Variants in MARCHF11 observed in about 807,000 individuals in gnomAD.
MARCHF11 encodes membrane associated ring-CH-type finger 11.
MARCHF11 carries 29 observed loss-of-function variants against 37.3 expected under a neutral mutation model. That is an observed-to-expected ratio of 0.78 (90% CI 0.58 to 1.06). MARCHF11 has a LOEUF of 1.06. Among genes scored for constraint, MARCHF11 ranks in the 50% least tolerant of loss-of-function variants. The pLI is 0.00. For missense variants in MARCHF11, 482 were observed against 533.4 expected (o/e 0.90, Z 0.95); for synonymous variants, 233 against 228.0 (o/e 1.02, Z -0.20).
At chr5:16,095,141 T>C (rs1179038901) in intron 2 of MARCHF11, among the ~76,000 whole-genome samples, 2 of 152,186 alleles carry the variant, frequency 1.3e-5, no homozygotes, top group African/African-American at 4.8e-5. Flanking sequence ...ACCCTGCCTC[T>C]GCAGTGCCAT....
At chr5:16,175,571 T>C (rs996591185) in intron 2 of MARCHF11, among the ~76,000 whole-genome samples, 12 of 152,176 alleles carry the variant, frequency 7.9e-5, no homozygotes, top group East Asian at 1.9e-4. Context: ...TTGAGTAAAA[T>C]AGAAATATTC....
rs1490406073 is a variant in MARCHF11, at chr5:16,119,058, A to T, written c.694-27977T>A. 2.6e-5 allele frequency among the ~76,000 whole-genome samples: 4 copies of T among 152,224 alleles called. No homozygotes were observed. The East Asian group carries it at 7.7e-4, about 29-fold the overall frequency. ...CTTGGAAATAATCCAATAGCGAGAG[A>T]CACTTAAGAGTCAAGGAAGAGTGAC... On this transcript the variant is annotated intron_variant, in intron 2 of 3. Transcript: ENST00000332432.
intron 2 of MARCHF11, among the ~76,000 whole-genome samples, chr5:16,117,332 T>A (rs1737239828): frequency 6.6e-6 from 1 of 152,240 alleles, no homozygotes; most frequent in South Asian, 2.1e-4. Flanking sequence ...CATTCTTATC[T>A]ATCCATTCGG....
chr5:16,098,240 GA>G (rs1736902926), intron 2 of MARCHF11, among the ~76,000 whole-genome samples: 1 of 152,126 alleles, frequency 6.6e-6, no homozygotes, highest in Admixed American at 6.6e-5. Flanking sequence ...TCTTTTCTCT[GA>G]TCAGGAACTA....
At chr5:16,118,223 A>G (rs994251213) in intron 2 of MARCHF11, among the ~76,000 whole-genome samples, 2 of 152,258 alleles carry the variant, frequency 1.3e-5, no homozygotes, top group African/African-American at 4.8e-5. Context: ...TGGCCGAGTC[A>G]GGCAGAGCCT....
intron 2 of MARCHF11, among the ~76,000 whole-genome samples, chr5:16,125,432 A>G (rs985780384): frequency 7.9e-5 from 12 of 152,174 alleles, no homozygotes; most frequent in East Asian, 3.9e-4. Context: ...AGAGTCCCCA[A>G]AATGGCCCCC....
intron 2 of MARCHF11, among the ~76,000 whole-genome samples, chr5:16,150,300 A>G (rs959011341): frequency 2.0e-5 from 3 of 149,436 alleles, no homozygotes; most frequent in African/African-American, 7.7e-5. Flanking sequence ...GTAGTGTGAG[A>G]GTCTTGTCTT....
intron 2 of MARCHF11, among the ~76,000 whole-genome samples, chr5:16,160,409 TATA>T (rs1277677878): frequency 6.8e-6 from 1 of 146,276 alleles, no homozygotes; most frequent in Non-Finnish European, 1.5e-5. Flanking sequence ...TATATAATTT[TATA>T]ATTTTATATT....
At chr5:16,085,109 A>G (rs1736673633) in intron 3 of MARCHF11, among the ~76,000 whole-genome samples, 1 of 152,172 alleles carries the variant, frequency 6.6e-6, no homozygotes, top group Non-Finnish European at 1.5e-5. Flanking sequence ...CCACAGAGAG[A>G]GCTATTTTTC....
intron 3 of MARCHF11, among the ~76,000 whole-genome samples, chr5:16,082,874 A>T (rs547925991): frequency 7.2e-5 from 11 of 152,158 alleles, no homozygotes; most frequent in African/African-American, 2.6e-4. Flanking sequence ...ACCTCCTATA[A>T]CTCGCCTGCC....
chr5:16,171,543 A>G (rs897777496), intron 2 of MARCHF11, among the ~76,000 whole-genome samples: 3 of 152,138 alleles, frequency 2.0e-5, no homozygotes, highest in African/African-American at 7.2e-5. Context: ...CTATTTCCTG[A>G]CACATTAAGA....
chr5:16,073,883 C>T (rs1736475105), intron 3 of MARCHF11, among the ~76,000 whole-genome samples: 1 of 152,072 alleles, frequency 6.6e-6, no homozygotes, highest in Admixed American at 6.6e-5. Flanking sequence ...ATAAACTGTA[C>T]CCTAGAACAG....
intron 2 of MARCHF11, among the ~76,000 whole-genome samples, chr5:16,155,114 T>A (rs183403148): frequency 6.6e-6 from 1 of 152,000 alleles, no homozygotes; most frequent in South Asian, 2.1e-4. Context: ...GTTAAATTCA[T>A]TCTAAAGAAT....
intron 2 of MARCHF11, among the ~76,000 whole-genome samples, chr5:16,105,200 A>C (rs1368635083): frequency 6.6e-6 from 1 of 152,180 alleles, no homozygotes; most frequent in Non-Finnish European, 1.5e-5. Flanking sequence ...TGCATATCAC[A>C]TTGCTTGAAG....
At chr5:16,154,993 C>T (rs909366313) in intron 2 of MARCHF11, among the ~76,000 whole-genome samples, 2 of 151,822 alleles carry the variant, frequency 1.3e-5, no homozygotes, top group Non-Finnish European at 1.5e-5. Flanking sequence ...TCTGACCCAA[C>T]CCCTACAGTG....
intron 2 of MARCHF11, among the ~76,000 whole-genome samples, chr5:16,172,360 C>T (rs1354309038): frequency 6.6e-6 from 1 of 152,086 alleles, no homozygotes; most frequent in South Asian, 2.1e-4. Context: ...TTTTTAGTTA[C>T]CTACAAAATA....
At chr5:16,111,762 G>A (rs115651853) in intron 2 of MARCHF11, among the ~76,000 whole-genome samples, 3 of 152,188 alleles carry the variant, frequency 2.0e-5, no homozygotes, top group African/African-American at 7.2e-5. Flanking sequence ...GACCTTTGGA[G>A]AGCAGCCCCT....
At chr5:16,144,194 A>G (rs987185889) in intron 2 of MARCHF11, among the ~76,000 whole-genome samples, 10 of 152,244 alleles carry the variant, frequency 6.6e-5, no homozygotes, top group Non-Finnish European at 1.5e-4. Context: ...GAAACACAGT[A>G]AGCAAATCTT....
chr5:16,150,617 T>C (rs1737874455), intron 2 of MARCHF11, among the ~76,000 whole-genome samples: 1 of 136,986 alleles, frequency 7.3e-6, no homozygotes, highest in Non-Finnish European at 1.5e-5. Flanking sequence ...TATTAGTTAC[T>C]CTCCTATAGC....
Sources: gnomAD v4.1 joint callset for allele counts (sites outside exome capture counted in the v4.1 genomes callset) on GRCh38, gnomAD v4.1.1 for gene constraint, MANE v1.5 for transcripts, NCBI Gene and HGNC (gene_info 2026-07-23, HGNC 2026-07-21) for gene names.